GPR20: variants seen among roughly 807,000 people sequenced by gnomAD.
The protein encoded by GPR20 is G protein-coupled receptor 20, also known as CTD-3064M3.3.
For synonymous variants in GPR20, 241 were observed against 241.9 expected (o/e 1.00, Z 0.04); for missense variants, 494 against 527.4 (o/e 0.94, Z 0.62).
chr8:141,363,372 A>G (rs1002320594), intron 1 of GPR20, among the ~76,000 whole-genome samples: 3 of 152,250 alleles, frequency 2.0e-5, no homozygotes, highest in Non-Finnish European at 4.4e-5. Context: ...ACGTGTGCTC[A>G]GTGCAGGACT....
Position 141,357,765 on chromosome 8 carries a change from C to A in GPR20, c.159G>T (p.Trp53Cys), listed in dbSNP as rs1831673165. ...EELHGTFPGL[W>C]LALMAVHGAI... ...CTCCGTGCACCGCCATCAGCGCCAG[C>A]CACAGGCCTGGGAAGGTGCCATGCA... The change falls in exon 2 of 2, where the codon TGG becomes TGT. Residue 53 changes from tryptophan (W) to cysteine (C), a missense_variant. Trp to Cys is a radical substitution (Grantham distance 215, BLOSUM62 -2). Transcript: ENST00000377741. The A allele has an allele frequency of 6.2e-7, 1 of 1,613,452 alleles. No homozygotes were observed. The highest frequency in any genetic ancestry group is 8.5e-7 in the Non-Finnish European group (1 of 1,179,972).
Position 141,357,713 on chromosome 8 carries a change from T to C in GPR20, c.211A>G (p.Asn71Asp). The C allele has an allele frequency of 6.2e-7, 1 of 1,613,400 alleles. No homozygotes were observed. The highest frequency in any genetic ancestry group is 8.5e-7 in the Non-Finnish European group (1 of 1,179,956). Reference sequence around the variant, plus strand: ...CAGAAGACGTACAGCGCCAGCCCGTTGAGCACCAGCCCTGCCAGGAAGATG... The same window carrying C: ...CAGAAGACGTACAGCGCCAGCCCGTCGAGCACCAGCCCTGCCAGGAAGATG... ...GAIFLAGLVL[N>D]GLALYVFCCR... The change falls in exon 2 of 2, where the codon AAC becomes GAC. Residue 71 changes from asparagine (N) to aspartate (D), a missense_variant. Coordinates refer to ENST00000377741, the MANE Select transcript of GPR20 (RefSeq NM_005293.3).
rs1003425900 is a variant in GPR20, at chr8:141,357,319, A to G, written c.605T>C (p.Val202Ala). 1 of 1,544,576 alleles carries G rather than the reference A, an allele frequency of 6.5e-7. No homozygotes were observed. The highest frequency in any genetic ancestry group is 8.7e-7 in the Non-Finnish European group (1 of 1,149,858). Residue 202 changes from valine to alanine, a missense_variant, in exon 2 of 2, where the codon GTC (valine) becomes GCC (alanine). Coordinates refer to ENST00000377741, the MANE Select transcript of GPR20 (RefSeq NM_005293.3). Reference protein sequence around the residue: ...RPCCRVFALTVLEFLLPLLVI... With the variant: ...RPCCRVFALTALEFLLPLLVI... ...CAGCAGGGGCAGCAGGAACTCCAGG[A>G]CAGTCAGCGCAAAGACACGGCAGCA... is the stretch of plus-strand genomic sequence containing the variant.
intron 1 of GPR20, among the ~76,000 whole-genome samples, chr8:141,358,912 G>GT (rs1171159692): frequency 6.7e-6 from 1 of 150,356 alleles, no homozygotes; most frequent in Non-Finnish European, 1.5e-5. Flanking sequence ...GGGGGCCAGG[G>GT]TGGGGGGCGG....
rs771794103 is a variant in GPR20, at chr8:141,357,543, G to A, written c.381C>T (p.Val127=). 11 of 1,613,732 alleles carry A rather than the reference G, an allele frequency of 6.8e-6. No homozygotes were observed. Among genetic ancestry groups the A allele is most frequent in the African/African-American group, 1.3e-5 (1 of 74,956 alleles). Residue 127 remains valine (V), a synonymous_variant, in exon 2 of 2, where the codon GTC becomes GTT. Coordinates refer to ENST00000377741, the MANE Select transcript of GPR20 (RefSeq NM_005293.3). ...RGCLRCAFPH[V]LGYFLNMHCS... is the part of the protein sequence containing the mutation. ...AGTGCATGTTGAGGAAGTAACCGAG[G>A]ACGTGCGGGAAGGCACAGCGCAGGC...
chr8:141,357,530 G>A lies in GPR20; in HGVS notation c.394C>T (p.Leu132Phe). The A allele has an allele frequency of 3.7e-6, 6 of 1,613,742 alleles. No homozygotes were observed. The highest frequency in any genetic ancestry group is 4.2e-6 in the Non-Finnish European group (5 of 1,179,998). Residue 132 changes from leucine to phenylalanine, a missense_variant, in exon 2 of 2, where the codon CTC becomes TTC. Coordinates refer to ENST00000377741, the MANE Select transcript of GPR20 (RefSeq NM_005293.3). ...AAGAGGATGGAGCAGTGCATGTTGA[G>A]GAAGTAACCGAGGACGTGCGGGAAG... Reference protein sequence around the residue: ...CAFPHVLGYFLNMHCSILFLT... With the variant: ...CAFPHVLGYFFNMHCSILFLT...
At chr8:141,360,464 C>T (rs1284498301) in intron 1 of GPR20, among the ~76,000 whole-genome samples, 1 of 152,258 alleles carries the variant, frequency 6.6e-6, no homozygotes, top group South Asian at 2.1e-4. Context: ...TGTCTCTGCC[C>T]TCCTCTCCCA....
In GPR20 at chr8:141,356,998, C is replaced by T. The variant is rs765079608; in HGVS notation, c.926G>A (p.Arg309Gln). The part of the protein sequence containing the change: ...FVTSGFQATV[R>Q]GLFGQHGERE... ...CTCTCCGTGCTGGCCGAAGAGGCCTCGGACGGTGGCCTGGAAGCCACTGGT... is the reference window on the plus strand; with the variant it reads ...CTCTCCGTGCTGGCCGAAGAGGCCTTGGACGGTGGCCTGGAAGCCACTGGT... The change falls in exon 2 of 2, where the codon CGA becomes CAA. Residue 309 changes from arginine to glutamine, a missense_variant. Physicochemically the swap from Arg to Gln is conservative, Grantham distance 43 (BLOSUM62 1). Coordinates refer to ENST00000377741, the MANE Select transcript of GPR20 (RefSeq NM_005293.3). The T allele has an allele frequency of 4.0e-5, 65 of 1,612,970 alleles. 1 individual carries two copies. The highest frequency in any genetic ancestry group is 4.8e-5 in the Non-Finnish European group (57 of 1,179,916).
intron 1 of GPR20, among the ~76,000 whole-genome samples, chr8:141,366,584 C>G (rs1831816909): frequency 6.6e-6 from 1 of 152,250 alleles, no homozygotes; most frequent in Non-Finnish European, 1.5e-5. Flanking sequence ...ACTCAGTTTC[C>G]CCACCCCTAA....
At chr8:141,363,100 T>C (rs148378385) in intron 1 of GPR20, among the ~76,000 whole-genome samples, 188 of 152,378 alleles carry the variant, frequency 1.2e-3, no homozygotes, top group Non-Finnish European at 2.2e-3. Context: ...AGGCCAGCTC[T>C]ACCACCCGCC....
chr8:141,356,635 A>T lies in GPR20; in HGVS notation c.*212T>A. ...TGCTATACCCCAGGAACAGCAAATC[A>T]CCGGCATTCAGGCCACCACATCCCA... On this transcript the variant is annotated 3_prime_UTR_variant, in exon 2 of 2. Coordinates refer to ENST00000377741, the MANE Select transcript of GPR20 (RefSeq NM_005293.3). 2.0e-6 allele frequency: 1 copy of T among 500,102 alleles called. No individual in the cohort carries two copies. Among genetic ancestry groups the T allele is most frequent in the Non-Finnish European group, 3.5e-6 (1 of 284,546 alleles). 31.0% of individuals were successfully genotyped at this position (500,102 alleles called of 1,614,324 possible). A position where few individuals can be genotyped will look rare whatever the true frequency, so the allele number is the denominator to read the frequency against.
At position 141,357,216 on chromosome 8, in the gene GPR20, G is replaced by A. The variant is rs770199502; in HGVS notation, c.708C>T (p.Arg236=). The change falls in exon 2 of 2, where the codon CGC becomes CGT. Residue 236 remains arginine, a synonymous_variant. Transcript: ENST00000377741. ...TGAGCAGGAGCTGCATGGCCCGCAC[G>A]CGGCGCTGGCGACCCTGGTGGAGCA... ...PGLLHQGRQR[R]VRAMQLLLTV... 16 of 1,563,886 alleles carry A rather than the reference G, an allele frequency of 1.0e-5. No homozygotes were observed. The highest frequency in any genetic ancestry group is 8.1e-5 in the South Asian group (7 of 86,904).
intron 1 of GPR20, among the ~76,000 whole-genome samples, chr8:141,366,730 G>C (rs1831819104): frequency 6.6e-6 from 1 of 152,224 alleles, no homozygotes; most frequent in Non-Finnish European, 1.5e-5. Flanking sequence ...CAGCTGCGGG[G>C]TGGTGGTGGC....
chr8:141,358,538 G>C (rs1304668555), intron 1 of GPR20, among the ~76,000 whole-genome samples: 1 of 152,212 alleles, frequency 6.6e-6, no homozygotes, highest in Non-Finnish European at 1.5e-5. Context: ...TTCATGGTGG[G>C]GACCTCTGAC....
In GPR20 at chr8:141,356,866, G is replaced by C; in HGVS notation, c.1058C>G (p.Ala353Gly). Residue 353 changes from alanine to glycine, a missense_variant, in exon 2 of 2, where the codon GCT becomes GGT. Ala to Gly is a moderately conservative substitution (Grantham distance 60, BLOSUM62 0). Coordinates refer to ENST00000377741, the MANE Select transcript of GPR20 (RefSeq NM_005293.3). ...TGCTGACTAAGCCTCGGGCCCATTA[G>C]CCAGGGCCTGGGTGAGGGCGTGAGG... is the stretch of plus-strand genomic sequence containing the variant. ...AGPHALTQAL[A>G]NGPEA The C allele has an allele frequency of 6.3e-7, 1 of 1,599,464 alleles. No individual in the cohort carries two copies. The highest frequency in any genetic ancestry group is 8.5e-7 in the Non-Finnish European group (1 of 1,170,456).
chr8:141,359,664 G>A (rs1831704488), intron 1 of GPR20, among the ~76,000 whole-genome samples: 1 of 152,194 alleles, frequency 6.6e-6, no homozygotes. Context: ...CAGCCCAGGT[G>A]TGCCACCAGA....
chr8:141,363,494 C>T (rs1831769224), intron 1 of GPR20, among the ~76,000 whole-genome samples: 1 of 152,254 alleles, frequency 6.6e-6, no homozygotes, highest in South Asian at 2.1e-4. Context: ...CCTGCTCCAT[C>T]CATCCCAATG....
chr8:141,357,358 G>A lies in GPR20; in HGVS notation c.566C>T (p.Thr189Ile). Residue 189 changes from threonine (T) to isoleucine (I), a missense_variant, in exon 2 of 2, where the codon ACA becomes ATA. Physicochemically the swap from Thr to Ile is moderately conservative, Grantham distance 89 (BLOSUM62 -1). Coordinates refer to ENST00000377741, the MANE Select transcript of GPR20 (RefSeq NM_005293.3). Reference sequence around the variant, plus strand: ...GACACGGCAGCAGGGCCGGCTGCCTGTCACGCCCAGCACCGACAGGGTGAC... The same window carrying A: ...GACACGGCAGCAGGGCCGGCTGCCTATCACGCCCAGCACCGACAGGGTGAC... ...GAVTLSVLGV[T>I]GSRPCCRVFA... 6.4e-7 allele frequency: 1 copy of A among 1,557,242 alleles called. No homozygotes were observed. Among genetic ancestry groups the A allele is most frequent in the Non-Finnish European group, 8.7e-7 (1 of 1,155,758 alleles).
chr8:141,360,023 GC>G (rs1294730164), intron 1 of GPR20, among the ~76,000 whole-genome samples: 28 of 152,066 alleles, frequency 1.8e-4, no homozygotes, highest in Non-Finnish European at 3.4e-4. Context: ...GGTGATGCTG[GC>G]CCCTGGGAAT....
Sources: gnomAD v4.1 joint callset for allele counts (sites outside exome capture counted in the v4.1 genomes callset) on GRCh38, gnomAD v4.1.1 for gene constraint, MANE v1.5 for transcripts, NCBI Gene and HGNC (gene_info 2026-07-23, HGNC 2026-07-21) for gene names.